The following MRRF variants were observed in gnomAD, a reference collection of about 807,000 sequenced individuals.
MRRF encodes the protein mitochondrial ribosome recycling factor.
A neutral mutation model predicts 25.1 loss-of-function variants in MRRF; 18 were observed. The ratio of observed to expected loss-of-function variants is 0.72; its 90% CI spans 0.50 to 1.06. The LOEUF is 1.06. MRRF is among the 50% of genes least tolerant of loss of function. MRRF has a pLI of 0.00. For synonymous variants in MRRF, 113 were observed against 112.1 expected, an observed-to-expected ratio of 1.01 and a Z score of -0.05; for missense variants, 323 against 319.3, an observed-to-expected ratio of 1.01 and a Z score of -0.09.
chr9:122,313,196 A>AT, intron 5 of MRRF, 31 bp from the exon 6 acceptor site: 1 of 1,609,908 alleles, frequency 6.2e-7, no homozygotes, highest in Non-Finnish European at 8.5e-7. Flanking sequence ...GTATAGAATG[A>AT]TTTTGTTGAA....
chr9:122,270,787 G>A (rs1221649688), intron 1 of MRRF, 77 bp from the exon 2 acceptor site: 1 of 1,073,486 alleles, frequency 9.3e-7, no homozygotes, highest in Non-Finnish European at 1.4e-6. Flanking sequence ...CTTGATAATT[G>A]GTACGAATTA....
intron 3 of MRRF, among the ~76,000 whole-genome samples, chr9:122,283,968 TG>T (rs1833232800): frequency 1.0e-5 from 1 of 100,452 alleles, no homozygotes; most frequent in Non-Finnish European, 1.8e-5. Flanking sequence ...TTAATAGTTT[TG>T]TTGTTGTTGT....
chr9:122,271,619 G>C (rs139250480), intron 2 of MRRF, among the ~76,000 whole-genome samples: 19 of 152,280 alleles, frequency 1.2e-4, no homozygotes, highest in Admixed American at 6.5e-4. Context: ...GCCTGCACTC[G>C]TGCATTCTGT....
Position 122,280,555 on chromosome 9 carries a change from C to G in MRRF, c.297C>G (p.Leu99=). Residue 99 remains leucine (L), a synonymous_variant, in exon 3 of 7, where the codon CTC becomes CTG. Transcript: ENST00000344641. ...AAATGAAGTCTGTGATAGAAGCTCT[C>G]AAGGATAATTTCAATAAGACTCTCA... ...NEEMKSVIEA[L]KDNFNKTLNI... is the part of the protein sequence containing the mutation. The G allele has an allele frequency of 6.2e-7, 1 of 1,613,938 alleles. No homozygotes were observed. The highest frequency in any genetic ancestry group is 1.3e-5 in the African/African-American group (1 of 75,028).
intron 2 of MRRF, among the ~76,000 whole-genome samples, chr9:122,278,033 A>G (rs945077336): frequency 6.6e-6 from 1 of 152,002 alleles, no homozygotes; most frequent in East Asian, 1.9e-4. Context: ...AGCTTTTATC[A>G]TTTTTATGTG....
At chr9:122,315,171 TTTAC>T (rs1224383766) in intron 6 of MRRF, among the ~76,000 whole-genome samples, 2 of 152,132 alleles carry the variant, frequency 1.3e-5, no homozygotes, top group Admixed American at 6.5e-5. Context: ...ATATTTTTAT[TTTAC>T]TTACTTTTAT....
In MRRF at chr9:122,313,349, C is replaced by T. The variant is rs1835317380; in HGVS notation, c.674C>T (p.Thr225Ile). The change falls in exon 6 of 7, where the codon ACA becomes ATA. Residue 225 changes from threonine (T) to isoleucine (I), a missense_variant. Transcript: ENST00000344641. ...AACAAGCTGAAGAAATCCAAGGATA[C>T]AGTCTCAGAGGACACCATTAGGCTA... ...SMNKLKKSKDTVSEDTIRLIE... is the reference protein window; with the variant it reads ...SMNKLKKSKDIVSEDTIRLIE... 6.2e-7 allele frequency: 1 copy of T among 1,614,062 alleles called. No individual in the cohort carries two copies. Among genetic ancestry groups the T allele is most frequent in the African/African-American group, 1.3e-5 (1 of 75,032 alleles).
intron 6 of MRRF, among the ~76,000 whole-genome samples, chr9:122,319,896 TGA>T (rs1376884025): frequency 6.7e-6 from 1 of 149,052 alleles, no homozygotes; most frequent in Non-Finnish European, 1.5e-5. Flanking sequence ...TTTTTTTTTT[TGA>T]GAGAGAGTCT....
chr9:122,268,337 T>C (rs1045416603), intron 1 of MRRF, among the ~76,000 whole-genome samples: 6 of 152,370 alleles, frequency 3.9e-5, no homozygotes, highest in African/African-American at 1.4e-4. Context: ...GAGTTGGTAT[T>C]ATGACCTGCA....
At chr9:122,312,389 C>T (rs1280326809) in intron 5 of MRRF, among the ~76,000 whole-genome samples, 2 of 152,180 alleles carry the variant, frequency 1.3e-5, no homozygotes, top group Admixed American at 1.3e-4. Context: ...TACAACTGTT[C>T]ACTTCAGAGC....
At position 122,285,303 on chromosome 9, in the gene MRRF, T is replaced by C. The variant is rs760638207; in HGVS notation, c.459+16T>C. The C allele has an allele frequency of 2.7e-6, 4 of 1,460,036 alleles. No individual in the cohort carries two copies. The highest frequency in any genetic ancestry group is 3.3e-5 in the Admixed American group (2 of 59,786). The allele number at this position is 1,460,036 out of a possible 1,614,324, so 90.4% of individuals were successfully genotyped here. ...CTTCCCAGAGGTAAGATGGCCTTGC[T>C]AAAATCTCTCTCCGTGGTCTCTTTT... On this transcript the variant is annotated intron_variant, in intron 4 of 6. Coordinates refer to ENST00000344641, the MANE Select transcript of MRRF (RefSeq NM_138777.5).
intron 6 of MRRF, among the ~76,000 whole-genome samples, chr9:122,316,586 G>A (rs1027522211): frequency 6.6e-6 from 1 of 151,992 alleles, no homozygotes; most frequent in African/African-American, 2.4e-5. Flanking sequence ...CTGTCAGAAG[G>A]CCCCAGACTG....
chr9:122,297,217 G>A lies in MRRF; in HGVS notation c.551+5377G>A, dbSNP rs1325257844. Among the ~76,000 whole-genome samples, 4 of 152,282 alleles carry A rather than the reference G, an allele frequency of 2.6e-5. No individual in the cohort carries two copies. In the East Asian group the frequency reaches 5.8e-4, roughly 22 times the overall value. Reference sequence around the variant, plus strand: ...AATCCCAGCTACTCAGGAAGCTGAGGTGAATCGCTTGAACCCGGGAGGTGG... The same window carrying A: ...AATCCCAGCTACTCAGGAAGCTGAGATGAATCGCTTGAACCCGGGAGGTGG... On this transcript the variant is annotated intron_variant, in intron 5 of 6. Coordinates refer to ENST00000344641, the MANE Select transcript of MRRF (RefSeq NM_138777.5).
intron 5 of MRRF, among the ~76,000 whole-genome samples, chr9:122,297,859 A>G (rs1042686091): frequency 2.0e-5 from 3 of 152,214 alleles, no homozygotes; most frequent in Non-Finnish European, 4.4e-5. Context: ...CTCTGTTGGT[A>G]CTTAGACCCA....
chr9:122,292,232 G>C (rs1335213971), intron 5 of MRRF, among the ~76,000 whole-genome samples: 1 of 152,150 alleles, frequency 6.6e-6, no homozygotes, highest in Non-Finnish European at 1.5e-5. Context: ...TCTTTATGCA[G>C]GTAACATTTT....
chr9:122,295,301 A>C (rs2118835920), intron 5 of MRRF, among the ~76,000 whole-genome samples: 2 of 152,318 alleles, frequency 1.3e-5, no homozygotes, highest in African/African-American at 4.8e-5. Flanking sequence ...GATGAAGAAA[A>C]TGAGATTCAG....
chr9:122,267,085 GA>G (rs1176548797), intron 1 of MRRF, among the ~76,000 whole-genome samples: 2 of 120,370 alleles, frequency 1.7e-5, no homozygotes, highest in South Asian at 2.7e-4. Flanking sequence ...AAAAAAAAAA[GA>G]AAAAAAATTC....
chr9:122,291,049 G>A (rs559598234), intron 4 of MRRF, among the ~76,000 whole-genome samples: 3 of 152,262 alleles, frequency 2.0e-5, no homozygotes, highest in East Asian at 1.9e-4. Flanking sequence ...AAGATGCATC[G>A]CTCATGTTAT....
intron 5 of MRRF, among the ~76,000 whole-genome samples, chr9:122,309,411 A>G (rs1332059411): frequency 6.6e-6 from 1 of 151,978 alleles, no homozygotes; most frequent in African/African-American, 2.4e-5. Flanking sequence ...TTCTTTCTAT[A>G]CTATCACCTT....
Sources: allele counts gnomAD v4.1 joint callset (sites outside exome capture counted in the v4.1 genomes callset), GRCh38; gene constraint gnomAD v4.1.1; transcripts MANE v1.5; gene names NCBI Gene and HGNC (gene_info 2026-07-23, HGNC 2026-07-21).